ZBTB10: variants seen among roughly 807,000 people sequenced by gnomAD.
ZBTB10 encodes the protein zinc finger and BTB domain containing 10, also known as zinc finger and BTB domain-containing protein 10.
In ZBTB10, 32 loss-of-function variants were observed where a neutral mutation model predicts 76.4. That is an observed-to-expected ratio of 0.42 (90% confidence interval 0.32 to 0.56). The LOEUF (loss-of-function observed/expected upper bound fraction) is 0.56. ZBTB10 is among the 20% of genes least tolerant of loss of function. The probability of loss-of-function intolerance (pLI) is 0.14; values close to 1 mark genes in which losing one functional copy is unlikely to be tolerated. For missense variants in ZBTB10, 1,057 were observed against 1,098.5 expected, an observed-to-expected ratio of 0.96 and a Z score of 0.53; for synonymous variants, 523 against 432.9, an observed-to-expected ratio of 1.21 and a Z score of -2.58.
chr8:80,486,348 G>C lies in ZBTB10; in HGVS notation c.-463G>C. On this transcript the variant is annotated 5_prime_UTR_variant, in exon 1 of 6. Transcript: ENST00000455036. ...GCCTCTCACCCTCAGCGCCTGCGAA[G>C]CCGGCGGCGGCGTCGGGACTCCTCG... The C allele has an allele frequency of 1.0e-6, 1 of 989,950 alleles. No homozygotes were observed. The highest frequency in any genetic ancestry group is 1.2e-6 in the Non-Finnish European group (1 of 833,348). The allele number at this position is 989,950 out of a possible 1,614,324, so 61.3% of individuals were successfully genotyped here.
rs1815888787 is a variant in ZBTB10, at chr8:80,500,274, A to G, written c.1753A>G (p.Ile585Val). The G allele has an allele frequency of 6.4e-7, 1 of 1,574,660 alleles. No individual in the cohort carries two copies. Among genetic ancestry groups the G allele is most frequent in the Non-Finnish European group, 8.6e-7 (1 of 1,159,504 alleles). Residue 585 changes from isoleucine (I) to valine (V), a missense_variant, in exon 2 of 6, where the codon ATT becomes GTT. Around this residue, in one of 5 missense-constraint regions of ZBTB10, gnomAD observed 306 missense variants for 297.5 expected, o/e 1.03. Transcript: ENST00000455036. ...RRKNQTTKRFIYNIPPNNETN... is the reference protein window; with the variant it reads ...RRKNQTTKRFVYNIPPNNETN... ...GAAAAACCAAACTACAAAAAGATTT[A>G]TTTATAATATTCCACCTAATAATGA...
At position 80,498,206 on chromosome 8, in the gene ZBTB10, C is replaced by G. The variant is rs191011706; in HGVS notation, c.973-1288C>G. Among the ~76,000 whole-genome samples, 1,446 of 152,250 alleles carry G rather than the reference C, an allele frequency of 9.5e-3. 28 individuals carry two copies. The highest frequency in any genetic ancestry group is 9.7e-3 in the Non-Finnish European group (662 of 68,008). ...GATATTGTTTGTGAGACTACTTTTG[C>G]AGTCTCGTCATCTCTACACCACTAA... On this transcript the variant is annotated intron_variant, in intron 1 of 5. Transcript: ENST00000455036.
chr8:80,500,353 A>G lies in ZBTB10; in HGVS notation c.1832A>G (p.Glu611Gly), dbSNP rs751435610. 6.3e-7 allele frequency: 1 copy of G among 1,580,026 alleles called. No homozygotes were observed. The highest frequency in any genetic ancestry group is 1.2e-5 in the South Asian group (1 of 85,164). ...VMQPPVAYPE[E>G]NTLLIKEEPD... The stretch of plus-strand genomic sequence containing the variant: ...CAGCCACCTGTTGCCTATCCAGAAG[A>G]AAATACACTACTCATCAAGGAAGAA... The change falls in exon 2 of 6, where the codon GAA (glutamate) becomes GGA (glycine). Residue 611 changes from glutamate (E) to glycine (G), a missense_variant. This residue lies in a region of ZBTB10 where 306 missense variants were observed against 297.5 expected (regional missense o/e 1.03). Coordinates refer to ENST00000455036, the MANE Select transcript of ZBTB10 (RefSeq NM_001105539.3).
Position 80,486,635 on chromosome 8 carries a change from G to A in ZBTB10, c.-176G>A, listed in dbSNP as rs1815464137. The A allele has an allele frequency of 1.0e-6, 1 of 988,244 alleles. No homozygotes were observed. Among genetic ancestry groups the A allele is most frequent in the African/African-American group, 1.7e-5 (1 of 57,228 alleles). 61.2% of individuals were successfully genotyped at this position (988,244 alleles called of 1,614,324 possible). Reference sequence around the variant, plus strand: ...GCAGCGGCAGCGGACGCGTGCAGCAGACCCGGGAGCGAGCGCGAGCCGGGC... The same window carrying A: ...GCAGCGGCAGCGGACGCGTGCAGCAAACCCGGGAGCGAGCGCGAGCCGGGC... On this transcript the variant is annotated 5_prime_UTR_variant, in exon 1 of 6. Coordinates refer to ENST00000455036, the MANE Select transcript of ZBTB10 (RefSeq NM_001105539.3).
intron 2 of ZBTB10, among the ~76,000 whole-genome samples, chr8:80,504,347 A>G (rs914001810): frequency 5.3e-5 from 8 of 152,182 alleles, no homozygotes; most frequent in Non-Finnish European, 2.9e-5. Context: ...GGTCTCTTCT[A>G]GTTACTGTGT....
rs555667618 is a variant in ZBTB10, at chr8:80,491,904, C to T, written c.972+4122C>T. ...TTGTTGTAAATTTAGTTAACCTTTA[C>T]AGAAACTAAGTAATGAATTCAGACC... On this transcript the variant is annotated intron_variant, in intron 1 of 5. Transcript: ENST00000455036. 2.8e-4 allele frequency among the ~76,000 whole-genome samples: 43 copies of T among 152,284 alleles called. No individual in the cohort carries two copies. In the South Asian group the frequency reaches 3.9e-3, roughly 14 times the overall value.
intron 1 of ZBTB10, 75 bp from the exon 2 acceptor site, chr8:80,499,418 TA>T: frequency 7.1e-7 from 1 of 1,407,010 alleles, no homozygotes; most frequent in East Asian, 2.3e-5. Flanking sequence ...AAAAACTTGA[TA>T]ATTGTTTTCC....
chr8:80,499,520 G>T lies in ZBTB10; in HGVS notation c.999G>T (p.Gly333=). The T allele has an allele frequency of 1.2e-6, 2 of 1,610,908 alleles. No homozygotes were observed. Among genetic ancestry groups the T allele is most frequent in the East Asian group, 4.5e-5 (2 of 44,838 alleles). The change falls in exon 2 of 6, where the codon GGG becomes GGT. Residue 333 remains glycine, a synonymous_variant. Transcript: ENST00000455036. Reference sequence around the variant, plus strand: ...AGTCAGAAATACCATCAGAGGAGGGGTACTGTGACTTTAATAGTAGGCCAA... The same window carrying T: ...AGTCAGAAATACCATCAGAGGAGGGTTACTGTGACTTTAATAGTAGGCCAA... The part of the protein sequence containing the change: ...AQESEIPSEE[G]YCDFNSRPNE...
At chr8:80,494,448 G>A (rs1240826403) in intron 1 of ZBTB10, among the ~76,000 whole-genome samples, 1 of 152,044 alleles carries the variant, frequency 6.6e-6, no homozygotes, top group African/African-American at 2.4e-5. Flanking sequence ...CGTTGTTTAG[G>A]CCCCAAGCTG....
At chr8:80,486,026 G>C, upstream of ZBTB10, 3 of 907,672 alleles carry the variant, frequency 3.3e-6, no homozygotes, top group Admixed American at 9.8e-5. Flanking sequence ...CCAACCCCTC[G>C]GCCGACTTCC....
At chr8:80,493,207 GCACACACA>G (rs369440030) in intron 1 of ZBTB10, among the ~76,000 whole-genome samples, 2,512 of 125,292 alleles carry the variant, frequency 0.02, 37 homozygotes, top group Non-Finnish European at 0.024. Context: ...GCGCGCGCGC[GCACACACA>G]CACACACACA....
intron 2 of ZBTB10, among the ~76,000 whole-genome samples, chr8:80,507,653 G>C (rs997818565): frequency 1.3e-5 from 2 of 152,114 alleles, no homozygotes; most frequent in African/African-American, 4.8e-5. Flanking sequence ...CTGGAGTGCA[G>C]TGATCATAGC....
intron 2 of ZBTB10, among the ~76,000 whole-genome samples, chr8:80,502,763 T>C (rs2131495309): frequency 6.6e-6 from 1 of 152,240 alleles, no homozygotes; most frequent in South Asian, 2.1e-4. Flanking sequence ...CTTTCACCTT[T>C]GTTGGTCATA....
At position 80,523,928 on chromosome 8, in the gene ZBTB10, A is replaced by G. The variant is rs1472478809; in HGVS notation, c.*4400A>G. ...ACGAAGACCAACTTTTTAAAATGTA[A>G]ATTACCTACCTAATATAAGTGTCCT... is the stretch of plus-strand genomic sequence containing the variant. On this transcript the variant is annotated 3_prime_UTR_variant, in exon 6 of 6. Transcript: ENST00000455036. 1 of 152,012 alleles carries G rather than the reference A, an allele frequency of 6.6e-6. No individual in the cohort carries two copies. The highest frequency in any genetic ancestry group is 1.5e-5 in the Non-Finnish European group (1 of 67,900). The allele number at this position is 152,012 out of a possible 1,614,324, so 9.4% of individuals were successfully genotyped here.
Position 80,518,419 on chromosome 8 carries a change from C to G in ZBTB10, c.1977C>G (p.Phe659Leu), listed in dbSNP as rs1214237143. Residue 659 changes from phenylalanine (F) to leucine (L), a missense_variant, in exon 4 of 6, where the codon TTC becomes TTG. By Grantham distance (22) the Phe-to-Leu change is conservative. This residue lies in a region of ZBTB10 where 306 missense variants were observed against 297.5 expected (regional missense o/e 1.03). Coordinates refer to ENST00000455036, the MANE Select transcript of ZBTB10 (RefSeq NM_001105539.3). ...TTGTACTAGGTACTTCACATGATTT[C>G]AAGTATGGTTTGATGCCTGGTCCTT... ...DGGDAGTSHD[F>L]KYGLMPGPSN... 3 of 1,550,790 alleles carry G rather than the reference C, an allele frequency of 1.9e-6. No homozygotes were observed. Among genetic ancestry groups the G allele is most frequent in the Non-Finnish European group, 2.6e-6 (3 of 1,147,142 alleles).
rs537424121 is a variant in ZBTB10 at position 80,490,295 on chromosome 8, G to T, written c.972+2513G>T. Among the ~76,000 whole-genome samples the T allele has an allele frequency of 4.6e-5, 7 of 152,106 alleles. No homozygotes were observed. In the South Asian group the frequency reaches 1.0e-3, roughly 23 times the overall value. On this transcript the variant is annotated intron_variant, in intron 1 of 5. Transcript: ENST00000455036. ...GTTTTTTTGAGACAGTGACTCTATT[G>T]CCCAGGCTGGAGTGCAGTGGTGAGA...
chr8:80,509,375 A>T (rs1451021513), intron 2 of ZBTB10, among the ~76,000 whole-genome samples: 1 of 152,134 alleles, frequency 6.6e-6, no homozygotes, highest in South Asian at 2.1e-4. Flanking sequence ...GTCTTGTCTC[A>T]TATCTTTTCA....
chr8:80,523,860 ACTTCCGCCTG>A lies in ZBTB10; in HGVS notation c.*4335_*4344del, dbSNP rs1207497326. ...TTTTGAACACTGTAAACAAAAGAAC[ACTTCCGCCTG>A]CTGTTTGTAAAAGCTCTTTGGGAAG... is the stretch of plus-strand genomic sequence containing the variant. On this transcript the variant is annotated 3_prime_UTR_variant, in exon 6 of 6. Coordinates refer to ENST00000455036, the MANE Select transcript of ZBTB10 (RefSeq NM_001105539.3). The A allele has an allele frequency of 6.6e-6, 1 of 151,944 alleles. No homozygotes were observed. The highest frequency in any genetic ancestry group is 2.4e-5 in the African/African-American group (1 of 41,414). The allele number at this position is 151,944 out of a possible 1,614,324, so 9.4% of individuals were successfully genotyped here.
Position 80,486,642 on chromosome 8 carries a change from G to C in ZBTB10, c.-169G>C. On this transcript the variant is annotated 5_prime_UTR_variant, in exon 1 of 6. Coordinates refer to ENST00000455036, the MANE Select transcript of ZBTB10 (RefSeq NM_001105539.3). Reference sequence around the variant, plus strand: ...CAGCGGACGCGTGCAGCAGACCCGGGAGCGAGCGCGAGCCGGGCTGCCGGG... The same window carrying C: ...CAGCGGACGCGTGCAGCAGACCCGGCAGCGAGCGCGAGCCGGGCTGCCGGG... 2.0e-6 allele frequency: 2 copies of C among 988,450 alleles called. No homozygotes were observed. Among genetic ancestry groups the C allele is most frequent in the Non-Finnish European group, 1.2e-6 (1 of 832,116 alleles). The allele number at this position is 988,450 out of a possible 1,614,324, so 61.2% of individuals were successfully genotyped here. A position where few individuals can be genotyped will look rare whatever the true frequency, so the allele number is the denominator to read the frequency against.
Sources: gnomAD v4.1 joint callset for allele counts (sites outside exome capture counted in the v4.1 genomes callset) on GRCh38, gnomAD v4.1.1 for gene constraint, gnomAD v4.1.1 regional missense constraint, MANE v1.5 for transcripts, NCBI Gene and HGNC (gene_info 2026-07-23, HGNC 2026-07-21) for gene names.